Variants in FBXO36 observed in about 807,000 individuals in gnomAD.
FBXO36 encodes F-box only protein 36.
FBXO36 carries 18 observed loss-of-function variants against 17.0 expected under a neutral mutation model. The observed-to-expected ratio is 1.06, with a 90% confidence interval of 0.73 to 1.57. The LOEUF is 1.57. FBXO36 is among the 40% of genes most tolerant of loss of function. The pLI is 0.00. For synonymous variants in FBXO36, 83 were observed against 85.3 expected (o/e 0.97, Z 0.15); for missense variants, 229 against 221.9 (o/e 1.03, Z -0.20).
At chr2:229,956,019 T>G (rs1355433158) in intron 1 of FBXO36, among the ~76,000 whole-genome samples, 1 of 152,212 alleles carries the variant, frequency 6.6e-6, no homozygotes, top group African/African-American at 2.4e-5. Context: ...CTCTTAGGGT[T>G]GTTGTAAAGA....
chr2:229,953,565 C>G (rs986448735), intron 1 of FBXO36, among the ~76,000 whole-genome samples: 2 of 151,144 alleles, frequency 1.3e-5, no homozygotes, highest in African/African-American at 4.9e-5. Context: ...GCCTGTAGTC[C>G]CAGCTACTCA....
intron 1 of FBXO36, 149 bp from the exon 2 acceptor site, chr2:229,976,092 G>A: frequency 1.7e-6 from 1 of 572,830 alleles, no homozygotes; most frequent in Non-Finnish European, 3.1e-6. Flanking sequence ...ATGCCCAGAG[G>A]TTAATTCTAA....
intron 1 of FBXO36, among the ~76,000 whole-genome samples, chr2:229,930,107 G>A (rs1449762525): frequency 2.0e-5 from 3 of 152,018 alleles, no homozygotes; most frequent in African/African-American, 4.8e-5. Context: ...TAGCACGTTG[G>A]GAGACCTAGG....
intron 1 of FBXO36, chr2:229,937,738 G>C (rs1387083468): frequency 2.0e-5 from 3 of 151,898 alleles, no homozygotes; most frequent in African/African-American, 7.3e-5. Flanking sequence ...GCCACACCCT[G>C]CATAACACAC....
chr2:229,972,504 A>C (rs1381722936), intron 1 of FBXO36, among the ~76,000 whole-genome samples: 2 of 152,124 alleles, frequency 1.3e-5, no homozygotes, highest in African/African-American at 4.8e-5. Flanking sequence ...TATCACTATA[A>C]ATATGAAGGA....
intron 1 of FBXO36, among the ~76,000 whole-genome samples, chr2:229,968,347 G>A (rs1195345612): frequency 6.6e-6 from 1 of 152,074 alleles, no homozygotes; most frequent in Admixed American, 6.6e-5. Flanking sequence ...TACTTTGATT[G>A]TTTAATTATA....
chr2:229,995,733 C>T lies in FBXO36; in HGVS notation c.206-1018C>T, dbSNP rs2077323613. ...TCAGCCTCCCGAGTAGCTGGGATTA[C>T]AGGCATGTGCCACCACGCCTGGCTA... is the stretch of plus-strand genomic sequence containing the variant. On this transcript the variant is annotated intron_variant, in intron 2 of 3. Coordinates refer to ENST00000283946, the MANE Select transcript of FBXO36 (RefSeq NM_174899.5). Among the ~76,000 whole-genome samples the T allele has an allele frequency of 5.3e-5, 8 of 151,580 alleles. No homozygotes were observed. The Admixed American group carries it at 5.3e-4, about 10-fold the overall frequency.
At chr2:229,964,931 C>A (rs2077143318) in intron 1 of FBXO36, among the ~76,000 whole-genome samples, 1 of 152,152 alleles carries the variant, frequency 6.6e-6, no homozygotes, top group African/African-American at 2.4e-5. Flanking sequence ...CTACGATGAA[C>A]TAAGCTGCTT....
chr2:229,966,881 T>C (rs1353187470), intron 1 of FBXO36, among the ~76,000 whole-genome samples: 1 of 152,214 alleles, frequency 6.6e-6, no homozygotes, highest in African/African-American at 2.4e-5. Context: ...TTTGGTTCCA[T>C]ATGAACTTTA....
At chr2:229,980,963 TCTCTGTACACCCC>T (rs2077236286) in intron 2 of FBXO36, among the ~76,000 whole-genome samples, 1 of 152,126 alleles carries the variant, frequency 6.6e-6, no homozygotes, top group African/African-American at 2.4e-5. Context: ...GTGTTGGTAG[TCTCTGTACACCCC>T]CTTCTTAGAG....
chr2:229,962,075 A>T (rs1028376974), intron 1 of FBXO36, among the ~76,000 whole-genome samples: 1 of 151,946 alleles, frequency 6.6e-6, no homozygotes, highest in South Asian at 2.1e-4. Flanking sequence ...CCCAGCTACC[A>T]GGGAGGCTGA....
At chr2:229,999,563 AG>A (rs1355462461) in intron 3 of FBXO36, among the ~76,000 whole-genome samples, 1 of 150,360 alleles carries the variant, frequency 6.7e-6, no homozygotes, top group African/African-American at 2.4e-5. Flanking sequence ...TTTAAAAGAG[AG>A]GTGGGATTTC....
chr2:229,997,341 G>C (rs1271972270), intron 3 of FBXO36, among the ~76,000 whole-genome samples: 1 of 151,580 alleles, frequency 6.6e-6, no homozygotes, highest in African/African-American at 2.4e-5. Flanking sequence ...ACTTTGGGAG[G>C]CCGAGGTGGG....
intron 2 of FBXO36, among the ~76,000 whole-genome samples, chr2:229,986,709 A>G (rs1352056387): frequency 6.6e-6 from 1 of 150,840 alleles, no homozygotes; most frequent in East Asian, 2.0e-4. Flanking sequence ...TAATTTTTGT[A>G]TTTTTAGTAG....
At chr2:229,954,696 C>T (rs550621401) in intron 1 of FBXO36, among the ~76,000 whole-genome samples, 16 of 151,296 alleles carry the variant, frequency 1.1e-4, no homozygotes, top group African/African-American at 2.7e-4. Context: ...TACAGGCACC[C>T]GCCATCACGC....
intron 2 of FBXO36, among the ~76,000 whole-genome samples, chr2:229,991,788 C>T (rs933838152): frequency 1.3e-5 from 2 of 152,172 alleles, no homozygotes; most frequent in African/African-American, 4.8e-5. Context: ...GCTCTTGACT[C>T]TTGAGTGACA....
chr2:229,956,207 C>T (rs541478210), intron 1 of FBXO36, among the ~76,000 whole-genome samples: 4 of 152,292 alleles, frequency 2.6e-5, no homozygotes, highest in East Asian at 3.9e-4. Flanking sequence ...TTCTGGAAAC[C>T]GGAAGTCCAA....
intron 1 of FBXO36, among the ~76,000 whole-genome samples, chr2:229,943,438 G>A (rs1289235397): frequency 6.6e-6 from 1 of 152,192 alleles, no homozygotes; most frequent in African/African-American, 2.4e-5. Flanking sequence ...GTCAGCCCTT[G>A]AAATGGGGCT....
intron 1 of FBXO36, chr2:229,923,187 G>A (rs2076830108): frequency 6.6e-6 from 1 of 152,388 alleles, no homozygotes; most frequent in South Asian, 2.1e-4. Flanking sequence ...GTGTGCGGGT[G>A]GTGGTATAAA....
Sources: gnomAD v4.1 joint callset for allele counts (sites outside exome capture counted in the v4.1 genomes callset) on GRCh38, gnomAD v4.1.1 for gene constraint, MANE v1.5 for transcripts, NCBI Gene and HGNC (gene_info 2026-07-23, HGNC 2026-07-21) for gene names.